Variants in PATZ1 observed in about 807,000 individuals in gnomAD.
The protein encoded by PATZ1 is POZ-, AT hook-, and zinc finger-containing protein 1.
In PATZ1, 9 loss-of-function variants were observed where a neutral mutation model predicts 46.2. The observed-to-expected ratio is 0.19, with a 90% CI of 0.12 to 0.34. The LOEUF is 0.34. PATZ1 is among the 10% of genes least tolerant of loss of function. The pLI is 1.00. For synonymous variants in PATZ1, 426 were observed against 378.6 expected (o/e 1.13, Z -1.45); for missense variants, 632 against 923.0 (o/e 0.68, Z 4.08).
chr22:31,343,301 A>C, intron 1 of PATZ1: 1 of 1,052,238 alleles, frequency 9.5e-7, no homozygotes, highest in Non-Finnish European at 1.1e-6. Context: ...CAGCCTTTCC[A>C]GGAGGGGATA....
intron 1 of PATZ1, 22 bp downstream of exon 1, chr22:31,344,310 G>A (rs1366042255): frequency 6.4e-7 from 1 of 1,568,918 alleles, no homozygotes; most frequent in Admixed American, 1.9e-5. Flanking sequence ...TGGCAGGGGA[G>A]GAAGAGGGGG....
intron 2 of PATZ1, chr22:31,340,979 T>C: frequency 1.9e-6 from 2 of 1,072,176 alleles, no homozygotes; most frequent in Non-Finnish European, 2.3e-6. Context: ...GTGCCAGTCT[T>C]CTCTGGAGGC....
chr22:31,338,623 C>T (rs967623560), intron 2 of PATZ1, among the ~76,000 whole-genome samples: 1 of 152,222 alleles, frequency 6.6e-6, no homozygotes, highest in African/African-American at 2.4e-5. Flanking sequence ...AAGAGAGGTA[C>T]ACCTGTTGAT....
chr22:31,339,896 G>C, intron 2 of PATZ1, among the ~76,000 whole-genome samples: 1 of 152,194 alleles, frequency 6.6e-6, no homozygotes, highest in East Asian at 1.9e-4. Context: ...TTGAACTCAG[G>C]CAGCCTCAGG....
chr22:31,338,249 G>A (rs576073257), intron 2 of PATZ1, among the ~76,000 whole-genome samples: 2 of 152,294 alleles, frequency 1.3e-5, no homozygotes, highest in African/African-American at 4.8e-5. Flanking sequence ...AGTGGAGGCC[G>A]TGAGAGGATA....
At position 31,344,578 on chromosome 22, in the gene PATZ1, G is replaced by T; in HGVS notation, c.1025C>A (p.Pro342His). 6.2e-7 allele frequency: 1 copy of T among 1,614,212 alleles called. No homozygotes were observed. The highest frequency in any genetic ancestry group is 8.5e-7 in the Non-Finnish European group (1 of 1,180,040). The change falls in exon 1 of 5, where the codon CCC (proline) becomes CAC (histidine). Residue 342 changes from proline to histidine, a missense_variant. Physicochemically the swap from Pro to His is moderately conservative, Grantham distance 77. This residue lies in a region of PATZ1 where 279 missense variants were observed against 284.3 expected (regional missense o/e 0.98). Transcript: ENST00000266269. Reference sequence around the variant, plus strand: ...CCGGCTCCTCTTTCGGGGGCCGTCGGGGTCTTCAGAGATGGGTAGCCCATT... The same window carrying T: ...CCGGCTCCTCTTTCGGGGGCCGTCGTGGTCTTCAGAGATGGGTAGCCCATT... ...GENGLPISED[P>H]DGPRKRSRTR...
chr22:31,338,691 T>C (rs1467108945), intron 2 of PATZ1, among the ~76,000 whole-genome samples: 1 of 152,132 alleles, frequency 6.6e-6, no homozygotes, highest in African/African-American at 2.4e-5. Flanking sequence ...ACCCCTCCAA[T>C]GGTGAGAGAG....
intron 2 of PATZ1, chr22:31,341,536 G>A (rs370544566): frequency 1.9e-5 from 30 of 1,613,990 alleles, no homozygotes; most frequent in Admixed American, 5.0e-5. Context: ...TCAAGGGCTG[G>A]GAATGATTTT....
intron 1 of PATZ1, among the ~76,000 whole-genome samples, chr22:31,343,780 T>C (rs1042879536): frequency 7.2e-5 from 11 of 152,138 alleles, no homozygotes; most frequent in African/African-American, 2.2e-4. Context: ...ATCAAAGCTT[T>C]TGGTGTTAAG....
chr22:31,344,053 G>A (rs1444543027), intron 1 of PATZ1, among the ~76,000 whole-genome samples: 1 of 152,232 alleles, frequency 6.6e-6, no homozygotes, highest in Non-Finnish European at 1.5e-5. Flanking sequence ...CCTGGGGGAA[G>A]AATGGTGAGG....
At position 31,345,645 on chromosome 22, in the gene PATZ1, G is replaced by GC; in HGVS notation, c.-44dup. The stretch of plus-strand genomic sequence containing the variant: ...ACTAGCCCGGCCGCTGCACCTGCCC[G>GC]CCCCCTCCCTTCCCCTCAGCAGCGA... On this transcript the variant is annotated 5_prime_UTR_variant, in exon 1 of 5. Transcript: ENST00000266269. This position sits in a 1 kb window ranked among gnomAD's most constrained non-coding sequence, Gnocchi z 7.4. 6.6e-7 allele frequency: 1 copy of GC among 1,525,072 alleles called. No homozygotes were observed. Among genetic ancestry groups the GC allele is most frequent in the Non-Finnish European group, 8.9e-7 (1 of 1,128,908 alleles). 94.5% of individuals were successfully genotyped at this position (1,525,072 alleles called of 1,614,324 possible). A position where few individuals can be genotyped will look rare whatever the true frequency, so the allele number is the denominator to read the frequency against.
At position 31,344,850 on chromosome 22, in the gene PATZ1, G is replaced by T; in HGVS notation, c.753C>A (p.Phe251Leu). 6.2e-7 allele frequency: 1 copy of T among 1,612,760 alleles called. No homozygotes were observed. The highest frequency in any genetic ancestry group is 8.5e-7 in the Non-Finnish European group (1 of 1,179,916). Residue 251 changes from phenylalanine to leucine, a missense_variant, in exon 1 of 5, where the codon TTC becomes TTA. By Grantham distance (22) the Phe-to-Leu change is conservative (BLOSUM62 0). This residue lies in a region of PATZ1 where 279 missense variants were observed against 284.3 expected (regional missense o/e 0.98). Coordinates refer to ENST00000266269, the MANE Select transcript of PATZ1 (RefSeq NM_014323.3). The part of the protein sequence containing the change: ...PLSPQLLTSP[F>L]PSVASSAPPL... ...GAGGGGCACTGGATGCCACACTGGG[G>T]AATGGGGAAGTCAGCAGTTGGGGGG... is the stretch of plus-strand genomic sequence containing the variant.
intron 2 of PATZ1, chr22:31,341,234 T>A: frequency 4.4e-6 from 6 of 1,371,076 alleles, no homozygotes; most frequent in Non-Finnish European, 5.6e-6. Flanking sequence ...AAGGTGCTCC[T>A]TGCTACCCCC....
intron 3 of PATZ1, among the ~76,000 whole-genome samples, chr22:31,334,180 C>T (rs112317084): frequency 0.023 from 3,460 of 152,252 alleles, 135 homozygotes; most frequent in African/African-American, 0.077. Flanking sequence ...AGACAAGAAA[C>T]GACATTATTT....
intron 1 of PATZ1, chr22:31,343,293 G>A (rs575701126): frequency 9.4e-7 from 1 of 1,060,998 alleles, no homozygotes; most frequent in African/African-American, 1.7e-5. Flanking sequence ...CCTCACTGCA[G>A]CCTTTCCAGG....
chr22:31,342,661 C>G (rs1425896866), intron 2 of PATZ1, among the ~76,000 whole-genome samples: 1 of 152,086 alleles, frequency 6.6e-6, no homozygotes, highest in Non-Finnish European at 1.5e-5. Context: ...AAGGCAAAGA[C>G]AGGGTGGGAA....
At chr22:31,342,211 C>G (rs1454395795) in intron 2 of PATZ1, among the ~76,000 whole-genome samples, 1 of 152,070 alleles carries the variant, frequency 6.6e-6, no homozygotes, top group East Asian at 1.9e-4. Flanking sequence ...AGCAGGGCCC[C>G]CAGATATTGT....
rs573042481 is a variant in PATZ1 at position 31,326,820 on chromosome 22, C to T, written c.*71G>A. On this transcript the variant is annotated 3_prime_UTR_variant, in exon 5 of 5. Coordinates refer to ENST00000266269, the MANE Select transcript of PATZ1 (RefSeq NM_014323.3). The stretch of plus-strand genomic sequence containing the variant: ...TCTCAGCTACAGAACCCAAACATCA[C>T]TTCCCTCCGCATTCACAGCATTTCC... 46 of 1,376,484 alleles carry T rather than the reference C, an allele frequency of 3.3e-5. No individual in the cohort carries two copies. The African/African-American group carries it at 6.2e-4, about 19-fold the overall frequency. The allele number at this position is 1,376,484 out of a possible 1,614,324, so 85.3% of individuals were successfully genotyped here. A position where few individuals can be genotyped will look rare whatever the true frequency, so the allele number is the denominator to read the frequency against.
Position 31,345,341 on chromosome 22 carries a change from C to G in PATZ1, c.262G>C (p.Gly88Arg). The G allele has an allele frequency of 6.2e-7, 1 of 1,608,124 alleles. No homozygotes were observed. Among genetic ancestry groups the G allele is most frequent in the South Asian group, 1.1e-5 (1 of 90,644 alleles). ...CCGCCTGGTGCTGCCGTCGCGCCCC[C>G]TACATCAGCCGGACCCCCGTCCGCA... ...GAADGGPADV[G>R]GATAAPGGGA... The change falls in exon 1 of 5, where the codon GGG becomes CGG. Residue 88 changes from glycine to arginine, a missense_variant. Coordinates refer to ENST00000266269, the MANE Select transcript of PATZ1 (RefSeq NM_014323.3). The surrounding 1 kb of genome is among the most constrained non-coding windows in gnomAD (Gnocchi z 7.4).
Sources: gnomAD v4.1 joint callset for allele counts (sites outside exome capture counted in the v4.1 genomes callset) on GRCh38, gnomAD v4.1.1 for gene constraint, gnomAD v4.1.1 regional missense constraint, Gnocchi (gnomAD v3.1) non-coding constraint, MANE v1.5 for transcripts, NCBI Gene and HGNC (gene_info 2026-07-23, HGNC 2026-07-21) for gene names.